ANKRD44: variants seen among roughly 807,000 people sequenced by gnomAD.
ANKRD44 encodes the protein serine/threonine-protein phosphatase 6 regulatory ankyrin repeat subunit B.
In ANKRD44, 35 loss-of-function variants were observed where a neutral mutation model predicts 116.0. The observed-to-expected ratio is 0.30, with a 90% confidence interval of 0.23 to 0.40. The LOEUF is 0.40. ANKRD44 is among the 10% of genes least tolerant of loss of function. The probability of loss-of-function intolerance (pLI) is 1.00; values close to 1 mark genes in which losing one functional copy is unlikely to be tolerated. For synonymous variants in ANKRD44, 435 were observed against 461.8 expected (o/e 0.94, Z 0.74); for missense variants, 1,014 against 1,242.6 (o/e 0.82, Z 2.77).
At chr2:196,970,660 T>A (rs2075708929) in intron 21 of ANKRD44, among the ~76,000 whole-genome samples, 1 of 152,102 alleles carries the variant, frequency 6.6e-6, no homozygotes, top group Non-Finnish European at 1.5e-5. Context: ...ACAACCAGCA[T>A]AAATTCAGAA....
intron 16 of ANKRD44, among the ~76,000 whole-genome samples, chr2:197,045,487 CCT>C (rs913164517): frequency 3.3e-5 from 5 of 152,074 alleles, no homozygotes; most frequent in Non-Finnish European, 7.3e-5. Flanking sequence ...AATTTCCACC[CCT>C]GTTATTCATT....
At chr2:197,081,409 A>G (rs1238432973) in intron 15 of ANKRD44, among the ~76,000 whole-genome samples, 1 of 152,228 alleles carries the variant, frequency 6.6e-6, no homozygotes, top group Non-Finnish European at 1.5e-5. Context: ...ACTGCTGACC[A>G]ATCACAGTGG....
intron 1 of ANKRD44, among the ~76,000 whole-genome samples, chr2:197,236,419 C>T (rs964589196): frequency 2.6e-5 from 4 of 152,002 alleles, no homozygotes; most frequent in African/African-American, 9.7e-5. Context: ...AGAGCCCGGA[C>T]TCATTTTAAA....
chr2:197,048,533 G>A (rs976048372), intron 16 of ANKRD44, among the ~76,000 whole-genome samples: 2 of 152,104 alleles, frequency 1.3e-5, no homozygotes, highest in Admixed American at 6.5e-5. Flanking sequence ...CCTTTTTTAT[G>A]GCTGCATAGT....
chr2:197,050,294 C>A (rs534255854), intron 16 of ANKRD44, among the ~76,000 whole-genome samples: 2 of 152,338 alleles, frequency 1.3e-5, no homozygotes, highest in African/African-American at 4.8e-5. Context: ...CAGGCCCCAC[C>A]TCCAACACTG....
chr2:197,290,710 A>G (rs1035051648), intron 1 of ANKRD44, among the ~76,000 whole-genome samples: 1 of 152,256 alleles, frequency 6.6e-6, no homozygotes, highest in African/African-American at 2.4e-5. Context: ...ATCATTGGAA[A>G]CTCAATCCAG....
chr2:197,004,948 C>T (rs1014766216), intron 21 of ANKRD44, among the ~76,000 whole-genome samples: 1 of 152,028 alleles, frequency 6.6e-6, no homozygotes, highest in African/African-American at 2.4e-5. Context: ...CATATTGATA[C>T]ATATTGACTT....
intron 16 of ANKRD44, among the ~76,000 whole-genome samples, chr2:197,073,075 T>G (rs2077594514): frequency 6.6e-6 from 1 of 152,156 alleles, no homozygotes; most frequent in Non-Finnish European, 1.5e-5. Flanking sequence ...ATGGCTGACT[T>G]CTCTGTTCCC....
intron 27 of ANKRD44, chr2:196,990,266 C>A (rs2075893805): frequency 1.0e-6 from 1 of 987,894 alleles, no homozygotes; most frequent in African/African-American, 1.7e-5. Flanking sequence ...CATTTCCTAT[C>A]TGCCTCTTCC....
At chr2:197,250,793 T>C (rs1186793500) in intron 1 of ANKRD44, 1 of 152,196 alleles carries the variant, frequency 6.6e-6, no homozygotes, top group Non-Finnish European at 1.5e-5. Flanking sequence ...CCAGACAGTC[T>C]GACCCCAGAG....
In ANKRD44 at chr2:197,109,500, T is replaced by C. The variant is rs75508275; in HGVS notation, c.985+1266A>G. Among the ~76,000 whole-genome samples, 617 of 152,344 alleles carry C rather than the reference T, an allele frequency of 4.1e-3. 10 individuals carry two copies. Among genetic ancestry groups the C allele is most frequent in the Admixed American group, 0.028 (432 of 15,310 alleles). On this transcript the variant is annotated intron_variant, in intron 9 of 27. Coordinates refer to ENST00000282272, the MANE Select transcript of ANKRD44 (RefSeq NM_001195144.2). ...TTTCCTTTGCTTTGCTGCAGATATT[T>C]TGCTTGCTAAGCATAATTCCACTGG...
intron 1 of ANKRD44, among the ~76,000 whole-genome samples, chr2:197,283,503 A>G (rs1467543497): frequency 1.3e-5 from 2 of 152,242 alleles, no homozygotes; most frequent in African/African-American, 2.4e-5. Context: ...AAGCAATTCA[A>G]GTAAAAAATA....
chr2:197,095,820 G>C (rs1401556375), intron 10 of ANKRD44, among the ~76,000 whole-genome samples: 1 of 152,194 alleles, frequency 6.6e-6, no homozygotes, highest in Non-Finnish European at 1.5e-5. Context: ...GCAGTGCCCA[G>C]AGGGAAGCAC....
In ANKRD44 at chr2:196,988,407, T is replaced by TG; in HGVS notation, c.*1183dup. On this transcript the variant is annotated 3_prime_UTR_variant, in exon 28 of 28. Coordinates refer to ENST00000282272, the MANE Select transcript of ANKRD44 (RefSeq NM_001195144.2). The stretch of plus-strand genomic sequence containing the variant: ...CTAAACAAACGAAAAGGACAGAAGG[T>TG]GGGAAGCACAACACCAAGAATTCAA... 1.0e-6 allele frequency: 1 copy of TG among 985,322 alleles called. No homozygotes were observed. Among genetic ancestry groups the TG allele is most frequent in the South Asian group, 4.7e-5 (1 of 21,288 alleles). The allele number at this position is 985,322 out of a possible 1,614,324, so 61.0% of individuals were successfully genotyped here.
chr2:197,210,354 G>A (rs1397116587), intron 1 of ANKRD44, among the ~76,000 whole-genome samples: 2 of 152,116 alleles, frequency 1.3e-5, no homozygotes, highest in Non-Finnish European at 1.5e-5. Flanking sequence ...AGTGAGTTAC[G>A]ATTAACATCT....
intron 16 of ANKRD44, among the ~76,000 whole-genome samples, chr2:197,074,031 TTGGATA>T (rs2077614914): frequency 6.6e-6 from 1 of 152,232 alleles, no homozygotes; most frequent in South Asian, 2.1e-4. Context: ...TTCCACTGTT[TTGGATA>T]TAGATTTACA....
rs572602869 is a variant in ANKRD44 at position 197,278,504 on chromosome 2, G to C, written c.27+32074C>G. Among the ~76,000 whole-genome samples the C allele has an allele frequency of 3.6e-3, 545 of 151,562 alleles. 1 individual carries two copies. Among genetic ancestry groups the C allele is most frequent in the African/African-American group, 0.01 (426 of 41,178 alleles). On this transcript the variant is annotated intron_variant, in intron 1 of 27. Transcript: ENST00000282272. ...CCCGAGTAGCTGGGACTACAGGCAC[G>C]CACCACCACGCCCGGTTAATTTTTG...
At chr2:197,248,001 T>C (rs2082229553) in intron 1 of ANKRD44, among the ~76,000 whole-genome samples, 1 of 152,070 alleles carries the variant, frequency 6.6e-6, no homozygotes, top group African/African-American at 2.4e-5. Flanking sequence ...TCCCTCCTCA[T>C]CATTCCCCTT....
rs746119122 is a variant in ANKRD44, at chr2:197,081,725, A to T, written c.1458T>A (p.Asn486Lys). 6.2e-7 allele frequency: 1 copy of T among 1,612,510 alleles called. No homozygotes were observed. The change falls in exon 15 of 28, where the codon AAT becomes AAA. Residue 486 changes from asparagine (N) to lysine (K), a missense_variant and splice_region_variant. Asn to Lys is a moderately conservative substitution (Grantham distance 94). Transcript: ENST00000282272. ...HYAAASDMDR[N>K]KTILGNAHDN... ...CATGGGCATTTCCTAAGATAGTCTT[A>T]CTTCTCAGCATAAAGGATAGAAAAA...
Sources: gnomAD v4.1 joint callset for allele counts (sites outside exome capture counted in the v4.1 genomes callset) on GRCh38, gnomAD v4.1.1 for gene constraint, MANE v1.5 for transcripts, NCBI Gene and HGNC (gene_info 2026-07-23, HGNC 2026-07-21) for gene names.